The following TGS1 variants were observed in gnomAD, a reference collection of about 807,000 sequenced individuals.
TGS1 encodes trimethylguanosine synthase.
In TGS1, 69 loss-of-function variants were observed where a neutral mutation model predicts 92.2. That is an observed-to-expected ratio of 0.75 (90% CI 0.62 to 0.91). The LOEUF (loss-of-function observed/expected upper bound fraction) is 0.91. Among genes scored for constraint, TGS1 ranks in the 40% least tolerant of loss-of-function variants. The pLI, the probability that TGS1 is intolerant of heterozygous loss-of-function variation, is 0.00. For synonymous variants in TGS1, 345 were observed against 338.1 expected (o/e 1.02, Z -0.22); for missense variants, 1,062 against 1,001.2 (o/e 1.06, Z -0.82).
intron 12 of TGS1, among the ~76,000 whole-genome samples, chr8:55,815,634 A>G (rs191963775): frequency 5.5e-4 from 84 of 152,292 alleles, no homozygotes; most frequent in Non-Finnish European, 8.8e-4. Flanking sequence ...CTTAGATAAT[A>G]TTTATATCAT....
At chr8:55,783,139 C>T (rs1043341267) in intron 2 of TGS1, among the ~76,000 whole-genome samples, 7 of 152,154 alleles carry the variant, frequency 4.6e-5, no homozygotes, top group Admixed American at 4.6e-4. Flanking sequence ...TGGTTTCTGG[C>T]TGGACGTGGT....
chr8:55,801,019 A>T (rs1299631315), intron 8 of TGS1, among the ~76,000 whole-genome samples: 2 of 152,198 alleles, frequency 1.3e-5, no homozygotes, highest in Non-Finnish European at 2.9e-5. Flanking sequence ...AATGAATGAG[A>T]TCCTTTTCCG....
intron 6 of TGS1, 36 bp downstream of exon 6, chr8:55,792,820 C>G: frequency 7.0e-7 from 1 of 1,435,836 alleles, no homozygotes; most frequent in Non-Finnish European, 9.8e-7. Context: ...TTCCAGAAGT[C>G]CTAACCACTT....
At chr8:55,819,219 A>G (rs1266572799) in intron 12 of TGS1, among the ~76,000 whole-genome samples, 2 of 150,322 alleles carry the variant, frequency 1.3e-5, no homozygotes, top group Non-Finnish European at 1.5e-5. Flanking sequence ...TACGGGCATG[A>G]GCCACCGTGC....
In TGS1 at chr8:55,821,150, A is replaced by T. The variant is rs563210551; in HGVS notation, c.2440-3431A>T. The stretch of plus-strand genomic sequence containing the variant: ...CTTGAAAGTAACATGTTAAGTTTTT[A>T]AAAAAAAATTGTTTCTAAACACTAA... On this transcript the variant is annotated intron_variant, in intron 12 of 12. Coordinates refer to ENST00000260129, the MANE Select transcript of TGS1 (RefSeq NM_024831.8). 1.3e-3 allele frequency among the ~76,000 whole-genome samples: 201 copies of T among 151,956 alleles called. 1 individual carries two copies. Among genetic ancestry groups the T allele is most frequent in the South Asian group, 4.0e-3 (19 of 4,796 alleles).
chr8:55,803,124 TGG>T (rs3085191), intron 9 of TGS1, among the ~76,000 whole-genome samples: 20,039 of 148,368 alleles, frequency 0.14, 1,438 homozygotes, highest in African/African-American at 0.19. Flanking sequence ...CCCTTCAATT[TGG>T]GGGGGTGTGT....
chr8:55,822,824 A>G (rs1250323784), intron 12 of TGS1, among the ~76,000 whole-genome samples: 1 of 152,170 alleles, frequency 6.6e-6, no homozygotes, highest in African/African-American at 2.4e-5. Flanking sequence ...GACTTTTTAC[A>G]TACTCACTGG....
chr8:55,823,407 G>A (rs756893294), intron 12 of TGS1, among the ~76,000 whole-genome samples: 21 of 152,178 alleles, frequency 1.4e-4, no homozygotes, highest in Non-Finnish European at 2.9e-4. Context: ...AGTGGGGAGG[G>A]AGCAATGCTT....
intron 8 of TGS1, 52 bp downstream of exon 8, chr8:55,799,272 T>A (rs780012098): frequency 6.7e-7 from 1 of 1,492,356 alleles, no homozygotes; most frequent in Non-Finnish European, 8.9e-7. Context: ...AAATTTTTTT[T>A]GTTAATATGT....
intron 9 of TGS1, among the ~76,000 whole-genome samples, chr8:55,803,431 C>A (rs950688157): frequency 2.0e-5 from 3 of 152,042 alleles, no homozygotes; most frequent in African/African-American, 7.2e-5. Flanking sequence ...ATCAGAAGTT[C>A]TTGATCTATG....
At chr8:55,807,506 G>GTTT (rs199884741) in intron 10 of TGS1, among the ~76,000 whole-genome samples, 198 of 138,722 alleles carry the variant, frequency 1.4e-3, no homozygotes, top group African/African-American at 5.0e-3. Context: ...TAAAGCAGGG[G>GTTT]TTTTTTTTTT....
At chr8:55,810,547 A>G (rs1365944410) in intron 10 of TGS1, among the ~76,000 whole-genome samples, 1 of 152,226 alleles carries the variant, frequency 6.6e-6, no homozygotes, top group East Asian at 1.9e-4. Flanking sequence ...ACCTTTTCCT[A>G]CTCAGGCTGT....
intron 1 of TGS1, among the ~76,000 whole-genome samples, chr8:55,776,857 G>A (rs909489132): frequency 1.1e-3 from 166 of 152,256 alleles, no homozygotes; most frequent in Non-Finnish European, 5.7e-4. Context: ...CTCTCCTTTT[G>A]ATTAGGCCTT....
intron 6 of TGS1, among the ~76,000 whole-genome samples, chr8:55,793,686 G>GC (rs1357335132): frequency 6.6e-6 from 1 of 151,974 alleles, no homozygotes; most frequent in Non-Finnish European, 1.5e-5. Flanking sequence ...TCCTGCCTCA[G>GC]CCCCCCAAGT....
intron 12 of TGS1, among the ~76,000 whole-genome samples, chr8:55,819,287 G>A (rs935795482): frequency 1.8e-4 from 20 of 111,416 alleles, no homozygotes; most frequent in Admixed American, 3.3e-4. Flanking sequence ...ATGCCTGGGA[G>A]ATTTTTTTTT....
At chr8:55,776,121 G>A (rs1040406471) in intron 1 of TGS1, among the ~76,000 whole-genome samples, 3 of 152,130 alleles carry the variant, frequency 2.0e-5, no homozygotes, top group Middle Eastern at 3.4e-3. Context: ...CGAGCAACCC[G>A]AGCGAGCAAT....
In TGS1 at chr8:55,810,402, A is replaced by G. The variant is rs571261389; in HGVS notation, c.2144-479A>G. Among the ~76,000 whole-genome samples, 6 of 152,376 alleles carry G rather than the reference A, an allele frequency of 3.9e-5. No individual in the cohort carries two copies. In the East Asian group the frequency reaches 1.2e-3, roughly 29 times the overall value. On this transcript the variant is annotated intron_variant, in intron 10 of 12. Transcript: ENST00000260129. ...TTTCTTCTTCATCACTTGGCTACATAAGTTTGTAAAAATGTGTTTTATTTT... is the reference window on the plus strand; with the variant it reads ...TTTCTTCTTCATCACTTGGCTACATGAGTTTGTAAAAATGTGTTTTATTTT...
intron 6 of TGS1, among the ~76,000 whole-genome samples, chr8:55,793,760 TTA>T (rs1811955820): frequency 1.3e-5 from 2 of 150,122 alleles, no homozygotes; most frequent in African/African-American, 4.9e-5. Context: ...ATTTATTTAT[TTA>T]TTTATTTATT....
intron 8 of TGS1, among the ~76,000 whole-genome samples, chr8:55,800,235 A>G (rs35262672): frequency 0.034 from 5,162 of 152,170 alleles, 133 homozygotes; most frequent in Non-Finnish European, 0.054. Context: ...GCATACCTAC[A>G]GTAGTTTACA....
Sources: gnomAD v4.1 joint callset for allele counts (sites outside exome capture counted in the v4.1 genomes callset) on GRCh38, gnomAD v4.1.1 for gene constraint, MANE v1.5 for transcripts, NCBI Gene and HGNC (gene_info 2026-07-23, HGNC 2026-07-21) for gene names.